Variants in FRS2 observed in about 807,000 individuals in gnomAD.
The protein encoded by FRS2 is fibroblast growth factor receptor substrate 2, also known as FGFR signalling adaptor.
A neutral mutation model predicts 43.9 loss-of-function variants in FRS2; 8 were observed. That is an observed-to-expected ratio of 0.18 (90% CI 0.11 to 0.33). The LOEUF (loss-of-function observed/expected upper bound fraction) is 0.33, where lower values mean the gene tolerates loss of function less well. FRS2 is among the 10% of genes least tolerant of loss of function. The pLI, the probability that FRS2 is intolerant of heterozygous loss-of-function variation, is 1.00. For synonymous variants in FRS2, 219 were observed against 220.3 expected, an observed-to-expected ratio of 0.99 and a Z score of 0.05; for missense variants, 534 against 627.6, an observed-to-expected ratio of 0.85 and a Z score of 1.59.
chr12:69,519,169 A>G lies in FRS2; in HGVS notation c.-260-11696A>G, dbSNP rs1412273635. ...CTCTGGGACACATAGATATGAAGAT[A>G]CCATCTTCAAGAAGAGGTTGTCAAA... On this transcript the variant is annotated intron_variant, in intron 1 of 8. Transcript: ENST00000549921. 2.6e-5 allele frequency among the ~76,000 whole-genome samples: 4 copies of G among 152,180 alleles called. No homozygotes were observed. The East Asian group carries it at 5.8e-4, about 22-fold the overall frequency.
rs760743857 is a variant in FRS2, at chr12:69,571,443, C to T, written c.412+9C>T. ...ACCTCGAACACCTACAAGTAAGTAC[C>T]CCTTTTCCCTTTCACATTTTGAATA... On this transcript the variant is annotated intron_variant, in intron 7 of 8. Coordinates refer to ENST00000549921, the MANE Select transcript of FRS2 (RefSeq NM_001278356.2). 3.1e-6 allele frequency: 5 copies of T among 1,601,132 alleles called. No homozygotes were observed. Among genetic ancestry groups the T allele is most frequent in the Non-Finnish European group, 4.3e-6 (5 of 1,171,128 alleles).
intron 1 of FRS2, among the ~76,000 whole-genome samples, chr12:69,493,539 A>G (rs1453404170): frequency 6.6e-6 from 1 of 152,156 alleles, no homozygotes; most frequent in Non-Finnish European, 1.5e-5. Flanking sequence ...TGACCAGCAT[A>G]AAGAAACCAC....
At chr12:69,569,237 A>G in intron 5 of FRS2, 141 bp downstream of exon 5, 1 of 549,376 alleles carries the variant, frequency 1.8e-6, no homozygotes, top group South Asian at 2.9e-5. Flanking sequence ...TCTTGATTTA[A>G]TAAATGATGA....
At chr12:69,514,831 CAAA>C (rs5798938) in intron 1 of FRS2, among the ~76,000 whole-genome samples, 1 of 146,056 alleles carries the variant, frequency 6.8e-6, no homozygotes, top group Non-Finnish European at 1.5e-5. Context: ...GACTGTGTCT[CAAA>C]AAAAAAAAAA....
chr12:69,518,436 G>T (rs1388119316), intron 1 of FRS2, among the ~76,000 whole-genome samples: 1 of 152,112 alleles, frequency 6.6e-6, no homozygotes, highest in Non-Finnish European at 1.5e-5. Flanking sequence ...TTTTTGGCCA[G>T]GGGGCTCACG....
At chr12:69,471,751 G>C (rs1445253925) in intron 1 of FRS2, among the ~76,000 whole-genome samples, 2 of 152,212 alleles carry the variant, frequency 1.3e-5, no homozygotes, top group Non-Finnish European at 2.9e-5. Context: ...TTAGCAGATG[G>C]CCACTGTTTT....
intron 1 of FRS2, among the ~76,000 whole-genome samples, chr12:69,493,837 A>G (rs1872663642): frequency 6.6e-6 from 1 of 152,214 alleles, no homozygotes; most frequent in South Asian, 2.1e-4. Flanking sequence ...TTTAGAAAAT[A>G]CTAGCTGCAT....
chr12:69,512,657 T>C (rs1197707116), intron 1 of FRS2, among the ~76,000 whole-genome samples: 1 of 152,206 alleles, frequency 6.6e-6, no homozygotes, highest in African/African-American at 2.4e-5. Flanking sequence ...TATATTATAA[T>C]TGATGGTTAA....
At chr12:69,477,371 CT>C (rs1375399770) in intron 1 of FRS2, among the ~76,000 whole-genome samples, 1 of 147,300 alleles carries the variant, frequency 6.8e-6, no homozygotes, top group Admixed American at 6.8e-5. Context: ...AGCTCCGCCT[CT>C]CCTGGGTTCA....
chr12:69,557,259 T>C (rs1442612529), intron 3 of FRS2, among the ~76,000 whole-genome samples: 1 of 152,142 alleles, frequency 6.6e-6, no homozygotes, highest in Non-Finnish European at 1.5e-5. Flanking sequence ...TACATAGAAA[T>C]TATCACTGAG....
chr12:69,495,064 C>T (rs1210497862), intron 1 of FRS2, among the ~76,000 whole-genome samples: 2 of 152,182 alleles, frequency 1.3e-5, no homozygotes, highest in Non-Finnish European at 2.9e-5. Flanking sequence ...AACCACCTCG[C>T]CTGGCCGCTT....
At chr12:69,564,535 C>T (rs1257772305) in intron 4 of FRS2, among the ~76,000 whole-genome samples, 1 of 151,982 alleles carries the variant, frequency 6.6e-6, no homozygotes, top group Non-Finnish European at 1.5e-5. Context: ...GGTAATAGAC[C>T]CCTGGCACCC....
At position 69,578,844 on chromosome 12, in the gene FRS2, G is replaced by A; in HGVS notation, c.*3889G>A. 6.6e-6 allele frequency: 1 copy of A among 152,400 alleles called. No homozygotes were observed. Among genetic ancestry groups the A allele is most frequent in the Non-Finnish European group, 1.5e-5 (1 of 67,998 alleles). 9.4% of individuals were successfully genotyped at this position (152,400 alleles called of 1,614,324 possible). On this transcript the variant is annotated 3_prime_UTR_variant, in exon 9 of 9. Transcript: ENST00000549921. ...CTTTTATAAAAAATTGTCCAACAGT[G>A]GGACTACCATTGCCAAATTGTATAT...
At chr12:69,563,990 C>CT (rs1482273192) in intron 4 of FRS2, among the ~76,000 whole-genome samples, 1 of 152,116 alleles carries the variant, frequency 6.6e-6, no homozygotes, top group Non-Finnish European at 1.5e-5. Context: ...TCTTGACCTA[C>CT]TGATTATAAG....
At chr12:69,557,619 T>TGCGTGCGCGC (rs1879499311) in intron 3 of FRS2, among the ~76,000 whole-genome samples, 1 of 118,964 alleles carries the variant, frequency 8.4e-6, no homozygotes, top group African/African-American at 2.8e-5. Flanking sequence ...TGTGTGTGTG[T>TGCGTGCGCGC]GCGCGCGCGC....
intron 3 of FRS2, among the ~76,000 whole-genome samples, chr12:69,541,550 G>C (rs1252778550): frequency 6.6e-6 from 1 of 152,070 alleles, no homozygotes; most frequent in Non-Finnish European, 1.5e-5. Flanking sequence ...ACTGGGCCAG[G>C]TGCAGTGGCT....
At chr12:69,477,880 A>G (rs1177779370) in intron 1 of FRS2, among the ~76,000 whole-genome samples, 1 of 151,280 alleles carries the variant, frequency 6.6e-6, no homozygotes, top group Non-Finnish European at 1.5e-5. Flanking sequence ...AGCTGGGACT[A>G]CAGGCGCCCA....
intron 1 of FRS2, among the ~76,000 whole-genome samples, chr12:69,498,977 T>G (rs1285242027): frequency 1.3e-5 from 2 of 152,192 alleles, no homozygotes. Flanking sequence ...TACAAATGCT[T>G]AGCCAAGGTA....
intron 1 of FRS2, among the ~76,000 whole-genome samples, chr12:69,484,244 C>T (rs1238721516): frequency 1.3e-5 from 2 of 152,046 alleles, no homozygotes; most frequent in Non-Finnish European, 2.9e-5. Flanking sequence ...ACCACCACGC[C>T]CAGCTAATTT....
Sources: gnomAD v4.1 joint callset for allele counts (sites outside exome capture counted in the v4.1 genomes callset) on GRCh38, gnomAD v4.1.1 for gene constraint, MANE v1.5 for transcripts, NCBI Gene and HGNC (gene_info 2026-07-23, HGNC 2026-07-21) for gene names.